Variants in MSRA observed in about 807,000 individuals in gnomAD.
The protein encoded by MSRA is methionine sulfoxide reductase A.
A neutral mutation model predicts 31.3 loss-of-function variants in MSRA; 54 were observed. The ratio of observed to expected loss-of-function variants is 1.73; its 90% confidence interval spans 1.39 to 2.17. The LOEUF is 2.17. Among genes scored for constraint, MSRA ranks in the 30% most tolerant of loss-of-function variants. The pLI, the probability that MSRA is intolerant of heterozygous loss-of-function variation, is 0.00. For missense variants in MSRA, 507 were observed against 300.9 expected (o/e 1.69, Z -5.07); for synonymous variants, 169 against 116.5 (o/e 1.45, Z -2.90).
chr8:10,211,197 G>A (rs1030465454), intron 2 of MSRA, among the ~76,000 whole-genome samples: 6 of 152,150 alleles, frequency 3.9e-5, no homozygotes, highest in Admixed American at 1.3e-4. Flanking sequence ...GATAGAGTGT[G>A]GGATAAAGGC....
intron 2 of MSRA, among the ~76,000 whole-genome samples, chr8:10,208,211 ATTTTTTTT>A (rs796930545): frequency 1.4e-5 from 2 of 146,420 alleles, no homozygotes; most frequent in Non-Finnish European, 3.0e-5. Flanking sequence ...GCTAGCACGG[ATTTTTTTT>A]TTTTCCACAT....
At chr8:10,396,596 A>C (rs1445811301) in intron 5 of MSRA, among the ~76,000 whole-genome samples, 1 of 152,244 alleles carries the variant, frequency 6.6e-6, no homozygotes, top group South Asian at 2.1e-4. Flanking sequence ...AAGGACTTCT[A>C]GTGTGGGTTG....
chr8:10,303,170 G>C (rs1800939559), intron 4 of MSRA, among the ~76,000 whole-genome samples: 1 of 152,248 alleles, frequency 6.6e-6, no homozygotes, highest in Non-Finnish European at 1.5e-5. Flanking sequence ...AGGCATGTAG[G>C]TGACAGGTCG....
intron 2 of MSRA, among the ~76,000 whole-genome samples, chr8:10,216,064 G>A (rs1293035649): frequency 6.6e-6 from 1 of 152,072 alleles, no homozygotes; most frequent in Non-Finnish European, 1.5e-5. Flanking sequence ...AACCCAACTA[G>A]CATTTTTAAG....
rs1164243638 is a variant in MSRA, at chr8:10,220,855, G to T, written c.211+12954G>T. Among the ~76,000 whole-genome samples the T allele has an allele frequency of 5.3e-5, 8 of 152,338 alleles. No homozygotes were observed. The East Asian group carries it at 1.5e-3, about 29-fold the overall frequency. On this transcript the variant is annotated intron_variant, in intron 2 of 5. Transcript: ENST00000317173. ...GAAGAGTTTTGATTCATCTTACAAGGACATTAAGGGAGGAGGACTGGGGAG... is the reference window on the plus strand; with the variant it reads ...GAAGAGTTTTGATTCATCTTACAAGTACATTAAGGGAGGAGGACTGGGGAG...
intron 5 of MSRA, among the ~76,000 whole-genome samples, chr8:10,323,770 G>GTGTC (rs1802195231): frequency 2.6e-5 from 4 of 151,562 alleles, no homozygotes; most frequent in African/African-American, 9.7e-5. Flanking sequence ...GTGTGTGTGT[G>GTGTC]TGTGTCTGTG....
chr8:10,077,476 CTCCT>C, intron 1 of MSRA, among the ~76,000 whole-genome samples: 1 of 129,290 alleles, frequency 7.7e-6, no homozygotes, highest in South Asian at 2.5e-4. Context: ...TCACTACCTT[CTCCT>C]TTTTTTTTTT....
At chr8:10,388,582 G>C (rs1052648465) in intron 5 of MSRA, among the ~76,000 whole-genome samples, 1 of 152,126 alleles carries the variant, frequency 6.6e-6, no homozygotes, top group African/African-American at 2.4e-5. Flanking sequence ...TCACTTTTCT[G>C]ATGCTAAACC....
At chr8:10,266,914 C>A (rs1369762917) in intron 3 of MSRA, among the ~76,000 whole-genome samples, 2 of 152,138 alleles carry the variant, frequency 1.3e-5, no homozygotes, top group Admixed American at 6.5e-5. Flanking sequence ...ACTCAATAAA[C>A]CCCTAAAGTA....
At chr8:10,361,256 C>G (rs1390603830) in intron 5 of MSRA, among the ~76,000 whole-genome samples, 1 of 152,190 alleles carries the variant, frequency 6.6e-6, no homozygotes, top group Non-Finnish European at 1.5e-5. Flanking sequence ...GAAGATTTAG[C>G]CAAGCTCAGT....
At chr8:10,415,159 C>T (rs747786840) in intron 5 of MSRA, among the ~76,000 whole-genome samples, 3 of 152,146 alleles carry the variant, frequency 2.0e-5, no homozygotes, top group Non-Finnish European at 4.4e-5. Flanking sequence ...CATGCTCTGG[C>T]CCCAGGAGGG....
chr8:10,075,284 A>G (rs569211665), intron 1 of MSRA, among the ~76,000 whole-genome samples: 1 of 152,296 alleles, frequency 6.6e-6, no homozygotes, highest in East Asian at 1.9e-4. Context: ...ATTCTGTAGT[A>G]TCGTATTTGG....
chr8:10,241,814 A>G (rs866524177), intron 2 of MSRA, among the ~76,000 whole-genome samples: 4 of 152,226 alleles, frequency 2.6e-5, no homozygotes, highest in African/African-American at 9.6e-5. Context: ...CCAATTGTCA[A>G]CTTGCAGAAA....
intron 3 of MSRA, among the ~76,000 whole-genome samples, chr8:10,280,093 G>A (rs1292297740): frequency 6.6e-6 from 1 of 152,018 alleles, no homozygotes; most frequent in Non-Finnish European, 1.5e-5. Context: ...AGAAATTTTT[G>A]ACGTGAAGTT....
chr8:10,384,706 T>A (rs1806279040), intron 5 of MSRA, among the ~76,000 whole-genome samples: 1 of 152,078 alleles, frequency 6.6e-6, no homozygotes, highest in Admixed American at 6.5e-5. Context: ...TTTGGAGAAC[T>A]GTTAAAGAAA....
In MSRA at chr8:10,147,740, T is replaced by C. The variant is rs117295895; in HGVS notation, c.143-60093T>C. Among the ~76,000 whole-genome samples, 1,207 of 152,264 alleles carry C rather than the reference T, an allele frequency of 7.9e-3. 13 individuals are homozygous for C. Among genetic ancestry groups the C allele is most frequent in the Middle Eastern group, 0.048 (14 of 290 alleles). On this transcript the variant is annotated intron_variant, in intron 1 of 5. Coordinates refer to ENST00000317173, the MANE Select transcript of MSRA (RefSeq NM_012331.5). ...ACCAGCTCACAGGCAGGGAAGCCCATGCTGCCTGGAGGATTCCTGCATTCT... is the reference window on the plus strand; with the variant it reads ...ACCAGCTCACAGGCAGGGAAGCCCACGCTGCCTGGAGGATTCCTGCATTCT...
chr8:10,243,469 C>G (rs529730291), intron 2 of MSRA, among the ~76,000 whole-genome samples: 1 of 152,242 alleles, frequency 6.6e-6, no homozygotes, highest in South Asian at 2.1e-4. Flanking sequence ...TTTATAGATA[C>G]TCAATAAATA....
chr8:10,185,697 T>C (rs1009007543), intron 1 of MSRA, among the ~76,000 whole-genome samples: 5 of 152,198 alleles, frequency 3.3e-5, no homozygotes, highest in Admixed American at 2.0e-4. Context: ...TTTCAGCTAC[T>C]GTGACGCTTT....
In MSRA at chr8:10,352,524, C is replaced by T. The variant is rs189979732; in HGVS notation, c.543+32535C>T. On this transcript the variant is annotated intron_variant, in intron 5 of 5. Transcript: ENST00000317173. ...CTTTTATGTTGGTGAAAGAATGATC[C>T]GAGGAGCCAGCTTATCAGTGTGGAG... Among the ~76,000 whole-genome samples the T allele has an allele frequency of 9.2e-5, 14 of 151,936 alleles. No homozygotes were observed. In the South Asian group the frequency reaches 1.5e-3, roughly 16 times the overall value.
Sources: gnomAD v4.1 joint callset for allele counts (sites outside exome capture counted in the v4.1 genomes callset) on GRCh38, gnomAD v4.1.1 for gene constraint, MANE v1.5 for transcripts, NCBI Gene and HGNC (gene_info 2026-07-23, HGNC 2026-07-21) for gene names.